The following FARS2 variants were observed in gnomAD, a reference collection of about 807,000 sequenced individuals.
FARS2 encodes phenylalanine--tRNA ligase, mitochondrial.
Under a neutral mutation model 46.4 loss-of-function variants are expected in FARS2, and 40 were observed. The observed-to-expected ratio is 0.86, with a 90% CI of 0.67 to 1.12. The LOEUF is 1.12. FARS2 is among the 50% of genes most tolerant of loss of function. The pLI, the probability that FARS2 is intolerant of heterozygous loss-of-function variation, is 0.00. For synonymous variants in FARS2, 234 were observed against 214.9 expected, an observed-to-expected ratio of 1.09 and a Z score of -0.78; for missense variants, 513 against 567.9, an observed-to-expected ratio of 0.90 and a Z score of 0.98.
chr6:5,659,406 C>T (rs1267225061), intron 6 of FARS2, among the ~76,000 whole-genome samples: 1 of 152,114 alleles, frequency 6.6e-6, no homozygotes, highest in African/African-American at 2.4e-5. Flanking sequence ...AAAAAAAGGC[C>T]CTGCCATCCC....
intron 1 of FARS2, among the ~76,000 whole-genome samples, chr6:5,275,520 A>C (rs1300972213): frequency 1.3e-5 from 2 of 152,198 alleles, no homozygotes; most frequent in Non-Finnish European, 2.9e-5. Context: ...TCATCACTAG[A>C]GGCATAGTGC....
At chr6:5,492,639 T>G (rs957218231) in intron 4 of FARS2, among the ~76,000 whole-genome samples, 6 of 152,250 alleles carry the variant, frequency 3.9e-5, no homozygotes, top group African/African-American at 7.2e-5. Flanking sequence ...ATATTTTCTA[T>G]GAACTTTATT....
chr6:5,610,849 G>A (rs2018284), intron 5 of FARS2, among the ~76,000 whole-genome samples: 59,462 of 152,150 alleles, frequency 0.39, 14,402 homozygotes, highest in Non-Finnish European at 0.55. Context: ...ATTCCACGTG[G>A]TTGCTAAACC....
At chr6:5,710,062 G>A (rs1481589244) in intron 6 of FARS2, among the ~76,000 whole-genome samples, 3 of 152,182 alleles carry the variant, frequency 2.0e-5, no homozygotes, top group South Asian at 2.1e-4. Flanking sequence ...TGTCTCCTGA[G>A]ATGAGTGGTT....
intron 6 of FARS2, among the ~76,000 whole-genome samples, chr6:5,692,837 C>T (rs1757844360): frequency 6.6e-6 from 1 of 152,110 alleles, no homozygotes; most frequent in South Asian, 2.1e-4. Context: ...TAAAAGGTGT[C>T]AGAAAGGCCA....
intron 1 of FARS2, among the ~76,000 whole-genome samples, chr6:5,318,669 T>C (rs1419582922): frequency 2.0e-5 from 3 of 152,148 alleles, no homozygotes; most frequent in Admixed American, 6.5e-5. Flanking sequence ...TGGCTTAGGC[T>C]CGGTTACAGA....
At chr6:5,297,967 C>G (rs1245963020) in intron 1 of FARS2, among the ~76,000 whole-genome samples, 1 of 152,068 alleles carries the variant, frequency 6.6e-6, no homozygotes, top group Non-Finnish European at 1.5e-5. Context: ...GCAACAGTAT[C>G]TAAAGCTGGA....
intron 6 of FARS2, among the ~76,000 whole-genome samples, chr6:5,643,143 T>A (rs1225230513): frequency 1.3e-5 from 2 of 152,216 alleles, no homozygotes; most frequent in African/African-American, 4.8e-5. Context: ...TCTAAAAAAA[T>A]TCCTGTCTCC....
intron 6 of FARS2, among the ~76,000 whole-genome samples, chr6:5,631,700 C>CTG (rs141374106): frequency 0.01 from 1,548 of 152,330 alleles, 23 homozygotes; most frequent in African/African-American, 0.034. Context: ...AAATTGAACC[C>CTG]TGTACCATGT....
chr6:5,646,967 AGTAAG>A (rs1333997827), intron 6 of FARS2, among the ~76,000 whole-genome samples: 21 of 152,214 alleles, frequency 1.4e-4, no homozygotes, highest in Non-Finnish European at 2.2e-4. Context: ...GAGAATATCT[AGTAAG>A]GTGAGATGAA....
chr6:5,536,633 T>C (rs1350839809), intron 4 of FARS2, among the ~76,000 whole-genome samples: 10 of 152,218 alleles, frequency 6.6e-5, no homozygotes, highest in Non-Finnish European at 1.5e-4. Context: ...GAAAGATTGA[T>C]GTGTTTGGAC....
chr6:5,441,082 C>T (rs895232070), intron 4 of FARS2, among the ~76,000 whole-genome samples: 4 of 151,836 alleles, frequency 2.6e-5, no homozygotes, highest in Non-Finnish European at 5.9e-5. Flanking sequence ...CCACCACAAC[C>T]GGCTAATTTT....
At chr6:5,436,341 C>G (rs912341950) in intron 4 of FARS2, among the ~76,000 whole-genome samples, 1 of 151,736 alleles carries the variant, frequency 6.6e-6, no homozygotes, top group African/African-American at 2.4e-5. Context: ...TCTCTATAGC[C>G]TCTACACATA....
intron 3 of FARS2, among the ~76,000 whole-genome samples, chr6:5,428,234 A>G (rs1170477736): frequency 2.6e-5 from 4 of 152,304 alleles, no homozygotes; most frequent in Non-Finnish European, 5.9e-5. Flanking sequence ...AACCTAAGAT[A>G]TTACAGTTGT....
intron 4 of FARS2, among the ~76,000 whole-genome samples, chr6:5,490,865 G>A (rs1385209680): frequency 1.3e-5 from 2 of 152,196 alleles, no homozygotes; most frequent in African/African-American, 2.4e-5. Context: ...TATCCAACCA[G>A]TTATACCTCC....
chr6:5,487,360 T>A (rs1310402771), intron 4 of FARS2, among the ~76,000 whole-genome samples: 1 of 152,152 alleles, frequency 6.6e-6, no homozygotes, highest in African/African-American at 2.4e-5. Flanking sequence ...CAATGACCAC[T>A]GACAAAAACA....
chr6:5,462,272 A>G (rs927880374), intron 4 of FARS2, among the ~76,000 whole-genome samples: 4 of 152,090 alleles, frequency 2.6e-5, no homozygotes, highest in Admixed American at 2.0e-4. Flanking sequence ...CAGTTGTAAG[A>G]GTTCTTTATA....
chr6:5,286,065 A>G (rs562006454), intron 1 of FARS2, among the ~76,000 whole-genome samples: 7 of 152,178 alleles, frequency 4.6e-5, no homozygotes, highest in Admixed American at 1.3e-4. Context: ...GATAAAGGTA[A>G]CCTTTTTCGC....
chr6:5,592,983 G>A (rs922124447), intron 5 of FARS2, among the ~76,000 whole-genome samples: 6 of 152,152 alleles, frequency 3.9e-5, no homozygotes, highest in African/African-American at 9.7e-5. Flanking sequence ...GGCGATCGGC[G>A]CTTCTTCTCT....
Sources: gnomAD v4.1 joint callset for allele counts (sites outside exome capture counted in the v4.1 genomes callset) on GRCh38, gnomAD v4.1.1 for gene constraint, MANE v1.5 for transcripts, NCBI Gene and HGNC (gene_info 2026-07-23, HGNC 2026-07-21) for gene names.